Variants in LCLAT1 observed in about 807,000 individuals in gnomAD.
LCLAT1 encodes the protein lysocardiolipin acyltransferase 1.
In LCLAT1, 11 loss-of-function variants were observed where a neutral mutation model predicts 30.7. That is an observed-to-expected ratio of 0.36 (90% CI 0.23 to 0.59). LCLAT1 has a LOEUF of 0.59. Among genes scored for constraint, LCLAT1 ranks in the 20% least tolerant of loss-of-function variants. The probability of loss-of-function intolerance (pLI) is 0.77; values close to 1 mark genes in which losing one functional copy is unlikely to be tolerated. For synonymous variants in LCLAT1, 155 were observed against 151.3 expected (o/e 1.02, Z -0.18); for missense variants, 402 against 458.6 (o/e 0.88, Z 1.13).
At chr2:30,573,881 G>A (rs147694259) in intron 5 of LCLAT1, among the ~76,000 whole-genome samples, 1,583 of 152,130 alleles carry the variant, frequency 0.01, 17 homozygotes, top group Non-Finnish European at 0.013. Context: ...ATTTTATACC[G>A]TGTTCCAATA....
At chr2:30,493,407 G>C (rs2148330417) in intron 1 of LCLAT1, among the ~76,000 whole-genome samples, 1 of 152,306 alleles carries the variant, frequency 6.6e-6, no homozygotes, top group South Asian at 2.1e-4. Context: ...TCAAAGGACT[G>C]AAGTATTTCT....
intron 5 of LCLAT1, among the ~76,000 whole-genome samples, chr2:30,615,529 G>A (rs4952163): frequency 0.13 from 19,787 of 152,108 alleles, 1,394 homozygotes; most frequent in South Asian, 0.23. Flanking sequence ...GTACTAAGGA[G>A]CTGCTTTTGG....
At chr2:30,492,789 T>G (rs1009617671) in intron 1 of LCLAT1, among the ~76,000 whole-genome samples, 6 of 152,200 alleles carry the variant, frequency 3.9e-5, no homozygotes, top group Non-Finnish European at 7.4e-5. Context: ...TCAGATTTCT[T>G]GGTTGGAAGA....
At chr2:30,489,025 A>G (rs1469135909) in intron 1 of LCLAT1, 1 of 152,228 alleles carries the variant, frequency 6.6e-6, no homozygotes, top group African/African-American at 2.4e-5. Context: ...TTTCCATTGT[A>G]CTGATAGGTT....
At chr2:30,571,362 C>G (rs138635405) in intron 5 of LCLAT1, among the ~76,000 whole-genome samples, 1 of 152,142 alleles carries the variant, frequency 6.6e-6, no homozygotes, top group Non-Finnish European at 1.5e-5. Context: ...GTTTGTGGGA[C>G]GCTCATGTTT....
intron 1 of LCLAT1, among the ~76,000 whole-genome samples, chr2:30,483,206 G>A (rs1558467152): frequency 6.6e-6 from 1 of 152,082 alleles, no homozygotes; most frequent in African/African-American, 2.4e-5. Flanking sequence ...AACTACTCTA[G>A]GCCAAGCACA....
intron 3 of LCLAT1, among the ~76,000 whole-genome samples, chr2:30,550,496 T>C (rs549757320): frequency 1.1e-3 from 164 of 152,344 alleles, no homozygotes; most frequent in African/African-American, 3.8e-3. Context: ...TTGGACATTT[T>C]GTAGAATGTT....
At chr2:30,603,708 A>AG (rs1667295050) in intron 5 of LCLAT1, among the ~76,000 whole-genome samples, 1 of 152,084 alleles carries the variant, frequency 6.6e-6, no homozygotes, top group Non-Finnish European at 1.5e-5. Flanking sequence ...ATTATGTTGA[A>AG]GGAGGATCCA....
chr2:30,637,025 G>T (rs1435884945), intron 5 of LCLAT1, among the ~76,000 whole-genome samples: 1 of 152,206 alleles, frequency 6.6e-6, no homozygotes, highest in Non-Finnish European at 1.5e-5. Context: ...CAGAAGTATT[G>T]ATTTCCGAGG....
intron 2 of LCLAT1, among the ~76,000 whole-genome samples, chr2:30,529,482 C>G (rs1189280973): frequency 1.3e-5 from 2 of 152,148 alleles, no homozygotes; most frequent in Non-Finnish European, 2.9e-5. Flanking sequence ...TTGGACCATT[C>G]TGTTCAACAT....
intron 5 of LCLAT1, among the ~76,000 whole-genome samples, chr2:30,635,720 T>C (rs1158012995): frequency 6.6e-6 from 1 of 152,132 alleles, no homozygotes; most frequent in Non-Finnish European, 1.5e-5. Flanking sequence ...GTCATAGAAA[T>C]TGTAGTAGAT....
rs749057504 is a variant in LCLAT1, at chr2:30,640,259, A to G, written c.771A>G (p.Thr257=). 1.2e-6 allele frequency: 2 copies of G among 1,613,988 alleles called. No individual in the cohort carries two copies. Among genetic ancestry groups the G allele is most frequent in the African/African-American group, 1.3e-5 (1 of 74,928 alleles). The change falls in exon 6 of 6, where the codon ACA becomes ACG. Residue 257 remains threonine, a synonymous_variant. Transcript: ENST00000379509. The part of the protein sequence containing the change: ...VHRYPIDTLP[T]SKEDLQLWCH... The stretch of plus-strand genomic sequence containing the variant: ...GGTATCCAATAGACACCCTCCCCAC[A>G]TCCAAGGAGGACCTTCAACTCTGGT...
At chr2:30,540,373 T>A (rs1664075393) in intron 3 of LCLAT1, among the ~76,000 whole-genome samples, 1 of 152,200 alleles carries the variant, frequency 6.6e-6, no homozygotes, top group Non-Finnish European at 1.5e-5. Flanking sequence ...ATCCACTGTT[T>A]AAATTTTTCC....
rs758595183 is a variant in LCLAT1 at position 30,562,160 on chromosome 2, GC to G, written c.380del (p.Ala127ValfsTer21). On this transcript the variant is annotated frameshift_variant, in exon 4 of 6. Transcript: ENST00000379509. LOFTEE classifies it high-confidence loss of function. The part of the protein sequence containing the change: ...GVPGFGWAMQ[A>X]AAYIFIHRKW... ...ATTGATTCTAGGTTGGGCCATGCAGGCTGCTGCCTATATCTTCATTCATAGG... is the reference window on the plus strand; with the variant it reads ...ATTGATTCTAGGTTGGGCCATGCAGGTGCTGCCTATATCTTCATTCATAGG... The G allele has an allele frequency of 8.1e-6, 13 of 1,608,742 alleles. No individual in the cohort carries two copies. The highest frequency in any genetic ancestry group is 1.3e-5 in the African/African-American group (1 of 74,870).
rs1470013687 is a variant in LCLAT1 at position 30,455,155 on chromosome 2, T to A, written c.-5+7772T>A. 2.0e-5 allele frequency among the ~76,000 whole-genome samples: 3 copies of A among 152,358 alleles called. No homozygotes were observed. The East Asian group carries it at 5.8e-4, about 29-fold the overall frequency. On this transcript the variant is annotated intron_variant, in intron 1 of 5. Coordinates refer to ENST00000379509, the MANE Select transcript of LCLAT1 (RefSeq NM_001002257.3). ...CCGTATTTATTTCTCTTTTTATCTA[T>A]ACTTTCTTTAACTGTAAAAAAATTT...
At chr2:30,492,602 G>A (rs1274441907) in intron 1 of LCLAT1, among the ~76,000 whole-genome samples, 1 of 151,478 alleles carries the variant, frequency 6.6e-6, no homozygotes, top group South Asian at 2.1e-4. Flanking sequence ...AAAAACCTTT[G>A]GGTATATGAT....
intron 1 of LCLAT1, among the ~76,000 whole-genome samples, chr2:30,453,648 C>T (rs1050123850): frequency 6.6e-6 from 1 of 152,140 alleles, no homozygotes; most frequent in African/African-American, 2.4e-5. Flanking sequence ...TGTCTTTGAG[C>T]TTACTGTGTA....
At chr2:30,520,466 G>C (rs1197527080) in intron 1 of LCLAT1, among the ~76,000 whole-genome samples, 1 of 152,176 alleles carries the variant, frequency 6.6e-6, no homozygotes, top group African/African-American at 2.4e-5. Context: ...TTCAGACTGA[G>C]TGTGGACTCT....
chr2:30,511,906 C>T (rs1189701441), intron 1 of LCLAT1, among the ~76,000 whole-genome samples: 1 of 152,188 alleles, frequency 6.6e-6, no homozygotes, highest in Non-Finnish European at 1.5e-5. Context: ...CATTCATCTC[C>T]ATTTGCATCC....
Sources: gnomAD v4.1 joint callset for allele counts (sites outside exome capture counted in the v4.1 genomes callset) on GRCh38, gnomAD v4.1.1 for gene constraint, MANE v1.5 for transcripts, NCBI Gene and HGNC (gene_info 2026-07-23, HGNC 2026-07-21) for gene names.